CCDC85A: variants seen among roughly 807,000 people sequenced by gnomAD.
CCDC85A encodes coiled-coil domain-containing protein 85A.
A neutral mutation model predicts 50.2 loss-of-function variants in CCDC85A; 38 were observed. The observed-to-expected ratio is 0.76, with a 90% CI of 0.58 to 0.99. The LOEUF is 0.99. Among genes scored for constraint, CCDC85A ranks in the 50% least tolerant of loss-of-function variants. CCDC85A has a pLI of 0.00. For synonymous variants in CCDC85A, 366 were observed against 301.4 expected (o/e 1.21, Z -2.22); for missense variants, 820 against 742.0 (o/e 1.11, Z -1.22).
chr2:56,260,076 A>G (rs1265482885), intron 2 of CCDC85A, among the ~76,000 whole-genome samples: 1 of 152,188 alleles, frequency 6.6e-6, no homozygotes, highest in Non-Finnish European at 1.5e-5. Flanking sequence ...TAAGACAATA[A>G]AAGAGAAGTA....
At chr2:56,228,655 C>G (rs1395511569) in intron 2 of CCDC85A, among the ~76,000 whole-genome samples, 2 of 152,096 alleles carry the variant, frequency 1.3e-5, no homozygotes, top group African/African-American at 4.8e-5. Flanking sequence ...GCCTCAGCCT[C>G]CCGAGTAGCT....
At chr2:56,234,727 A>G (rs1462377171) in intron 2 of CCDC85A, among the ~76,000 whole-genome samples, 1 of 152,050 alleles carries the variant, frequency 6.6e-6, no homozygotes, top group African/African-American at 2.4e-5. Flanking sequence ...GATATTCAGA[A>G]TCGATTTAGT....
chr2:56,377,427 C>G (rs984766512), intron 5 of CCDC85A, among the ~76,000 whole-genome samples: 7 of 152,192 alleles, frequency 4.6e-5, no homozygotes, highest in African/African-American at 1.7e-4. Flanking sequence ...ACAGCAGCAA[C>G]TTGTCCTCCT....
intron 2 of CCDC85A, among the ~76,000 whole-genome samples, chr2:56,243,289 A>G (rs1019166847): frequency 2.0e-5 from 3 of 151,696 alleles, no homozygotes; most frequent in African/African-American, 7.3e-5. Flanking sequence ...TTTTGAAGCT[A>G]TTTTCCAGAT....
intron 2 of CCDC85A, among the ~76,000 whole-genome samples, chr2:56,202,067 A>T (rs1676768782): frequency 6.6e-6 from 1 of 152,226 alleles, no homozygotes; most frequent in African/African-American, 2.4e-5. Flanking sequence ...GGTAATGTTA[A>T]TGATAAAGAC....
chr2:56,277,281 C>G (rs1489348153), intron 2 of CCDC85A, among the ~76,000 whole-genome samples: 1 of 152,120 alleles, frequency 6.6e-6, no homozygotes, highest in Non-Finnish European at 1.5e-5. Context: ...GACCTATCAT[C>G]TTGCAGACAT....
At position 56,211,302 on chromosome 2, in the gene CCDC85A, C is replaced by T. The variant is rs1348057334; in HGVS notation, c.1240+17862C>T. Reference sequence around the variant, plus strand: ...TAGATCCACTGAAGTATGAGTCATGCTCATTTTGGTCCTTTCTTGTATTTG... The same window carrying T: ...TAGATCCACTGAAGTATGAGTCATGTTCATTTTGGTCCTTTCTTGTATTTG... On this transcript the variant is annotated intron_variant, in intron 2 of 5. Transcript: ENST00000407595. 3.3e-5 allele frequency among the ~76,000 whole-genome samples: 5 copies of T among 152,138 alleles called. No homozygotes were observed. The East Asian group carries it at 9.7e-4, about 30-fold the overall frequency.
chr2:56,344,133 T>C (rs1674513622), intron 3 of CCDC85A, among the ~76,000 whole-genome samples: 1 of 152,184 alleles, frequency 6.6e-6, no homozygotes, highest in African/African-American at 2.4e-5. Context: ...AAACCACGGA[T>C]AGTACCAAAC....
At chr2:56,277,174 A>C (rs1463298718) in intron 2 of CCDC85A, among the ~76,000 whole-genome samples, 1 of 152,170 alleles carries the variant, frequency 6.6e-6, no homozygotes, top group Non-Finnish European at 1.5e-5. Context: ...CAAGTTGCCA[A>C]CTTCCTTGAT....
intron 2 of CCDC85A, among the ~76,000 whole-genome samples, chr2:56,217,628 A>G (rs1668128929): frequency 6.6e-6 from 1 of 151,870 alleles, no homozygotes; most frequent in Non-Finnish European, 1.5e-5. Context: ...AAGAGCCAGC[A>G]TTGGTAAGGT....
intron 5 of CCDC85A, among the ~76,000 whole-genome samples, chr2:56,378,585 GGTGA>G (rs1441941611): frequency 3.9e-5 from 6 of 152,164 alleles, no homozygotes; most frequent in Non-Finnish European, 4.4e-5. Flanking sequence ...TGTAATCTGA[GGTGA>G]GTATCAGGGC....
At chr2:56,260,887 C>T (rs1303625104) in intron 2 of CCDC85A, among the ~76,000 whole-genome samples, 1 of 152,120 alleles carries the variant, frequency 6.6e-6, no homozygotes, top group Non-Finnish European at 1.5e-5. Flanking sequence ...GGGAGTTTAA[C>T]CTTTGATTAT....
At chr2:56,245,355 C>T (rs8179803) in intron 2 of CCDC85A, among the ~76,000 whole-genome samples, 33,155 of 152,186 alleles carry the variant, frequency 0.22, 4,102 homozygotes, top group Admixed American at 0.31. Flanking sequence ...CAAAATCCTG[C>T]AGTTGCCTGC....
At chr2:56,280,698 T>A (rs1671167768) in intron 2 of CCDC85A, among the ~76,000 whole-genome samples, 1 of 152,116 alleles carries the variant, frequency 6.6e-6, no homozygotes, top group South Asian at 2.1e-4. Flanking sequence ...AGAGAGAGTG[T>A]TAAAAAACAA....
At chr2:56,198,120 G>A (rs1676600336) in intron 2 of CCDC85A, among the ~76,000 whole-genome samples, 1 of 152,222 alleles carries the variant, frequency 6.6e-6, no homozygotes, top group Non-Finnish European at 1.5e-5. Flanking sequence ...ACACAAAGTG[G>A]CCTTGTCTAT....
At chr2:56,227,960 T>C (rs1668612143) in intron 2 of CCDC85A, among the ~76,000 whole-genome samples, 1 of 152,240 alleles carries the variant, frequency 6.6e-6, no homozygotes, top group African/African-American at 2.4e-5. Flanking sequence ...TGTGAGCCTA[T>C]ACTGTGACTT....
intron 2 of CCDC85A, among the ~76,000 whole-genome samples, chr2:56,249,296 G>A (rs1669645960): frequency 6.6e-6 from 1 of 152,240 alleles, no homozygotes; most frequent in South Asian, 2.1e-4. Context: ...CTGCATTTGG[G>A]AAAGAGGAGG....
intron 2 of CCDC85A, among the ~76,000 whole-genome samples, chr2:56,214,741 T>G (rs1367994853): frequency 6.6e-6 from 1 of 151,986 alleles, no homozygotes; most frequent in African/African-American, 2.4e-5. Context: ...ACATATGTGT[T>G]TGTTCTTTCA....
At chr2:56,253,196 C>A (rs981247337) in intron 2 of CCDC85A, among the ~76,000 whole-genome samples, 1 of 152,170 alleles carries the variant, frequency 6.6e-6, no homozygotes, top group Non-Finnish European at 1.5e-5. Context: ...CTCTTGTTTT[C>A]TTCAAGTCCC....
Sources: gnomAD v4.1 joint callset for allele counts (sites outside exome capture counted in the v4.1 genomes callset) on GRCh38, gnomAD v4.1.1 for gene constraint, MANE v1.5 for transcripts, NCBI Gene and HGNC (gene_info 2026-07-23, HGNC 2026-07-21) for gene names.